DHCR24: variants seen among roughly 807,000 people sequenced by gnomAD.
The protein encoded by DHCR24 is 24-dehydrocholesterol reductase, also known as delta(24)-sterol reductase.
Under a neutral mutation model 61.2 loss-of-function variants are expected in DHCR24, and 28 were observed. That is an observed-to-expected ratio of 0.46 (90% CI 0.34 to 0.63). The LOEUF is 0.63. Ranked by LOEUF, DHCR24 falls within the 20% of genes least tolerant of loss-of-function variation. The probability of loss-of-function intolerance (pLI) is 0.01; values close to 1 mark genes in which losing one functional copy is unlikely to be tolerated. For missense variants in DHCR24, 538 were observed against 679.1 expected (o/e 0.79, Z 2.31); for synonymous variants, 261 against 275.9 (o/e 0.95, Z 0.54).
rs374599211 is a variant in DHCR24, at chr1:54,858,700, C to T, written c.1021-4466G>A. 8.0e-4 allele frequency among the ~76,000 whole-genome samples: 122 copies of T among 152,160 alleles called. 4 individuals are homozygous for T. The South Asian group carries it at 0.018, about 23-fold the overall frequency. Reference sequence around the variant, plus strand: ...TTGCCCAGGCTGGAGAGCAATGGCGCGATCTCAGCTCACCACAACCTCCGC... The same window carrying T: ...TTGCCCAGGCTGGAGAGCAATGGCGTGATCTCAGCTCACCACAACCTCCGC... On this transcript the variant is annotated intron_variant, in intron 6 of 8. Coordinates refer to ENST00000371269, the MANE Select transcript of DHCR24 (RefSeq NM_014762.4).
chr1:54,856,442 C>G (rs1282424465), intron 6 of DHCR24, among the ~76,000 whole-genome samples: 1 of 151,900 alleles, frequency 6.6e-6, no homozygotes, highest in Non-Finnish European at 1.5e-5. Flanking sequence ...ACTAAAAACA[C>G]CAAAAAAAAT....
At chr1:54,878,483 C>T (rs1159515406) in intron 2 of DHCR24, among the ~76,000 whole-genome samples, 4 of 133,624 alleles carry the variant, frequency 3.0e-5, no homozygotes, top group Non-Finnish European at 6.1e-5. Flanking sequence ...CACTGTACTC[C>T]AGCCTGGGCA....
rs145837771 is a variant in DHCR24 at position 54,878,887 on chromosome 1, C to A, written c.388-2840G>T. On this transcript the variant is annotated intron_variant, in intron 2 of 8. Coordinates refer to ENST00000371269, the MANE Select transcript of DHCR24 (RefSeq NM_014762.4). ...GGCATACAGAGGCAGAAAAATTCAA[C>A]CCATAATGAGAAAAATCAATCAATC... 6.6e-5 allele frequency among the ~76,000 whole-genome samples: 10 copies of A among 152,204 alleles called. No individual in the cohort carries two copies. In the East Asian group the frequency reaches 1.9e-3, roughly 29 times the overall value.
chr1:54,886,585 T>G, intron 1 of DHCR24: 1 of 1,411,484 alleles, frequency 7.1e-7, no homozygotes, highest in Non-Finnish European at 9.4e-7. Context: ...AAGCCTTTCC[T>G]TCTCTGAAAT....
chr1:54,863,010 A>C lies in DHCR24; in HGVS notation c.1020+2293T>G, dbSNP rs148472031. ...AGAATGGCATGAACCCGGGAAGCGG[A>C]GCATGCAGTGGGCGAAATTGCGCCA... On this transcript the variant is annotated intron_variant, in intron 6 of 8. Coordinates refer to ENST00000371269, the MANE Select transcript of DHCR24 (RefSeq NM_014762.4). Among the ~76,000 whole-genome samples the C allele has an allele frequency of 3.1e-3, 435 of 138,240 alleles. 16 individuals are homozygous for C. In the East Asian group the frequency reaches 0.085, roughly 27 times the overall value. 90.7% of individuals were successfully genotyped at this position (138,240 alleles called of 152,430 possible).
intron 5 of DHCR24, among the ~76,000 whole-genome samples, chr1:54,868,728 C>T (rs1168976457): frequency 3.6e-5 from 4 of 110,604 alleles, no homozygotes; most frequent in Non-Finnish European, 8.2e-5. Context: ...TTAACAATGA[C>T]GGTTATGAAG....
At chr1:54,864,438 C>T (rs1378583349) in intron 6 of DHCR24, among the ~76,000 whole-genome samples, 2 of 152,288 alleles carry the variant, frequency 1.3e-5, no homozygotes, top group Non-Finnish European at 2.9e-5. Flanking sequence ...ACAAAAGGCA[C>T]ATACTGAATG....
intron 5 of DHCR24, among the ~76,000 whole-genome samples, chr1:54,865,846 T>C (rs1021162323): frequency 7.0e-6 from 1 of 142,014 alleles, no homozygotes; most frequent in Non-Finnish European, 1.6e-5. Context: ...ACTCTGGGAA[T>C]GGGTCAGCCC....
In DHCR24 at chr1:54,872,001, G is replaced by A. The variant is rs571230174; in HGVS notation, c.613-388C>T. Among the ~76,000 whole-genome samples the A allele has an allele frequency of 2.6e-5, 4 of 152,296 alleles. No individual in the cohort carries two copies. In the South Asian group the frequency reaches 8.3e-4, roughly 32 times the overall value. On this transcript the variant is annotated intron_variant, in intron 4 of 8. Transcript: ENST00000371269. ...CTTGACACCCTTTAGTGGGTGTCAG[G>A]CAGTGTAGCTGGGGAACATTAAAAT...
At chr1:54,879,170 T>C (rs908990247) in intron 2 of DHCR24, among the ~76,000 whole-genome samples, 7 of 151,662 alleles carry the variant, frequency 4.6e-5, no homozygotes, top group Non-Finnish European at 7.4e-5. Context: ...TACAAAAAAA[T>C]TAGCCAGGCG....
At chr1:54,873,141 C>T (rs916718926) in intron 4 of DHCR24, among the ~76,000 whole-genome samples, 3 of 152,340 alleles carry the variant, frequency 2.0e-5, no homozygotes, top group African/African-American at 7.2e-5. Flanking sequence ...TACACGATTA[C>T]GTGCTACATA....
Position 54,883,725 on chromosome 1 carries a change from GC to G in DHCR24, c.279del (p.Arg94AlafsTer22). ...EQGSKTFMCT[G>X]RPGWLTVSLR... ...AGTGAGACAGTGAGCCAGCCAGGGCGCCCCGTGCACATGAAGGTCTTGCTAC... is the reference window on the plus strand; with the variant it reads ...AGTGAGACAGTGAGCCAGCCAGGGCGCCCGTGCACATGAAGGTCTTGCTAC... On this transcript the variant is annotated frameshift_variant, in exon 2 of 9. Coordinates refer to ENST00000371269, the MANE Select transcript of DHCR24 (RefSeq NM_014762.4). LOFTEE classifies it high-confidence loss of function. This position sits in a 1 kb window ranked among gnomAD's most constrained non-coding sequence, Gnocchi z 4.3. The G allele has an allele frequency of 6.2e-7, 1 of 1,614,172 alleles. No individual in the cohort carries two copies. The highest frequency in any genetic ancestry group is 1.1e-5 in the South Asian group (1 of 91,078).
chr1:54,886,977 A>G lies in DHCR24; in HGVS notation c.143T>C (p.Ile48Thr), dbSNP rs1647102641. 6.2e-7 allele frequency: 1 copy of G among 1,613,632 alleles called. No individual in the cohort carries two copies. Among genetic ancestry groups the G allele is most frequent in the African/African-American group, 1.3e-5 (1 of 74,912 alleles). The change falls in exon 1 of 9, where the codon ATC (isoleucine) becomes ACC (threonine). Residue 48 changes from isoleucine to threonine, a missense_variant. Ile to Thr is a moderately conservative substitution (Grantham distance 89). Coordinates refer to ENST00000371269, the MANE Select transcript of DHCR24 (RefSeq NM_014762.4). ...CACCCAGGCGCGCACGTAGTAGTAGATATCGAAGATAAGCGAGAGCGGCAG... is the reference window on the plus strand; with the variant it reads ...CACCCAGGCGCGCACGTAGTAGTAGGTATCGAAGATAAGCGAGAGCGGCAG... ...FLLPLSLIFD[I>T]YYYVRAWVVF... is the part of the protein sequence containing the mutation.
intron 1 of DHCR24, among the ~76,000 whole-genome samples, chr1:54,884,106 T>C (rs746749417): frequency 1.3e-5 from 2 of 152,254 alleles, no homozygotes; most frequent in Non-Finnish European, 2.9e-5. Flanking sequence ...GACCATTTAC[T>C]GGGTATTCCC....
intron 6 of DHCR24, among the ~76,000 whole-genome samples, chr1:54,855,065 T>G (rs1026950296): frequency 5.9e-5 from 9 of 152,136 alleles, no homozygotes; most frequent in Non-Finnish European, 1.3e-4. Flanking sequence ...CTCACAGCTC[T>G]GGGAGCCCTT....
chr1:54,879,402 T>C (rs1384693151), intron 2 of DHCR24, among the ~76,000 whole-genome samples: 1 of 139,926 alleles, frequency 7.1e-6, no homozygotes. Context: ...AAATGAAAGA[T>C]ACAATGGATG....
At chr1:54,867,394 C>G (rs1438892410) in intron 5 of DHCR24, among the ~76,000 whole-genome samples, 1 of 152,190 alleles carries the variant, frequency 6.6e-6, no homozygotes, top group African/African-American at 2.4e-5. Flanking sequence ...TGCCCCAGCC[C>G]TGTTCCCTCA....
chr1:54,855,684 A>G (rs1304686192), intron 6 of DHCR24, among the ~76,000 whole-genome samples: 1 of 152,214 alleles, frequency 6.6e-6, no homozygotes, highest in Non-Finnish European at 1.5e-5. Flanking sequence ...ACTCCTCTGG[A>G]GCTGCCGGAC....
intron 1 of DHCR24, 112 bp downstream of exon 1, chr1:54,886,777 C>A (rs1035323181): frequency 5.5e-5 from 84 of 1,523,944 alleles, no homozygotes; most frequent in Middle Eastern, 3.5e-4. Flanking sequence ...CCCACCCCCC[C>A]AGGAAGTCCT....
Sources: allele counts gnomAD v4.1 joint callset (sites outside exome capture counted in the v4.1 genomes callset), GRCh38; gene constraint gnomAD v4.1.1; non-coding constraint Gnocchi (gnomAD v3.1); transcripts MANE v1.5; gene names NCBI Gene and HGNC (gene_info 2026-07-23, HGNC 2026-07-21).